Variants in IKZF3 observed in about 807,000 individuals in gnomAD.
IKZF3 encodes the protein zinc finger protein Aiolos.
A neutral mutation model predicts 49.0 loss-of-function variants in IKZF3; 10 were observed. The ratio of observed to expected loss-of-function variants is 0.20; its 90% CI spans 0.13 to 0.35. IKZF3 has a LOEUF of 0.35. IKZF3 is among the 10% of genes least tolerant of loss of function. The pLI is 1.00. For synonymous variants in IKZF3, 209 were observed against 228.2 expected (o/e 0.92, Z 0.76); for missense variants, 498 against 664.8 (o/e 0.75, Z 2.76).
chr17:39,842,974 A>G (rs1431452030), intron 1 of IKZF3, among the ~76,000 whole-genome samples: 2 of 152,222 alleles, frequency 1.3e-5, no homozygotes, highest in Non-Finnish European at 2.9e-5. Flanking sequence ...GCAAAACACA[A>G]ATCAAACCAT....
At chr17:39,796,851 A>G (rs1379855457) in intron 3 of IKZF3, among the ~76,000 whole-genome samples, 2 of 147,336 alleles carry the variant, frequency 1.4e-5, no homozygotes, top group Admixed American at 6.7e-5. Flanking sequence ...CGGCCTCAAC[A>G]TTCCTTTCTA....
At position 39,798,173 on chromosome 17, in the gene IKZF3, T is replaced by C. The variant is rs994465439; in HGVS notation, c.164-5240A>G. 2.0e-5 allele frequency among the ~76,000 whole-genome samples: 3 copies of C among 152,334 alleles called. No individual in the cohort carries two copies. In the South Asian group the frequency reaches 6.2e-4, roughly 32 times the overall value. On this transcript the variant is annotated intron_variant, in intron 3 of 7. Coordinates refer to ENST00000346872, the MANE Select transcript of IKZF3 (RefSeq NM_012481.5). ...GACTTTCCCACGATCTACTTATTGC[T>C]GTAGCCCCCGCACTGTTCTCTTTGG...
rs1432701600 is a variant in IKZF3 at position 39,763,413 on chromosome 17, C to G, written c.*2377G>C. The G allele has an allele frequency of 6.6e-6, 1 of 152,058 alleles. No homozygotes were observed. Among genetic ancestry groups the G allele is most frequent in the African/African-American group, 2.4e-5 (1 of 41,400 alleles). 9.4% of individuals were successfully genotyped at this position (152,058 alleles called of 1,614,324 possible). A position where few individuals can be genotyped will look rare whatever the true frequency, so the allele number is the denominator to read the frequency against. On this transcript the variant is annotated 3_prime_UTR_variant, in exon 8 of 8. Transcript: ENST00000346872. The stretch of plus-strand genomic sequence containing the variant: ...TCTGGTAGAAATGTTACAAATTAAG[C>G]TGACTCTTAATTTGTAAATAGGCTC...
intron 1 of IKZF3, among the ~76,000 whole-genome samples, chr17:39,842,906 G>A (rs934318481): frequency 6.6e-6 from 1 of 152,178 alleles, no homozygotes; most frequent in African/African-American, 2.4e-5. Context: ...CAAAAATTAT[G>A]TGCCTTCTGA....
intron 1 of IKZF3, among the ~76,000 whole-genome samples, chr17:39,859,378 A>ATT (rs200347729): frequency 2.8e-5 from 4 of 141,296 alleles, no homozygotes; most frequent in African/African-American, 1.0e-4. Flanking sequence ...CATCCTTATG[A>ATT]TTTTTTTTTT....
chr17:39,835,553 G>T, intron 1 of IKZF3: 1 of 434,494 alleles, frequency 2.3e-6, no homozygotes, highest in South Asian at 1.8e-5. Flanking sequence ...CCTCATACTT[G>T]ATCTGGTGCA....
chr17:39,826,347 A>G (rs2061955423), intron 3 of IKZF3, among the ~76,000 whole-genome samples: 1 of 152,184 alleles, frequency 6.6e-6, no homozygotes, highest in Non-Finnish European at 1.5e-5. Context: ...CTGGCTGTGG[A>G]TGGTAGTTTT....
At chr17:39,838,961 G>A (rs1250661238) in intron 1 of IKZF3, among the ~76,000 whole-genome samples, 2 of 151,860 alleles carry the variant, frequency 1.3e-5, no homozygotes, top group African/African-American at 2.4e-5. Context: ...AGTCTACTGA[G>A]TACCTAGGAC....
chr17:39,807,699 GA>G (rs1336548027), intron 3 of IKZF3, among the ~76,000 whole-genome samples: 1 of 151,596 alleles, frequency 6.6e-6, no homozygotes, highest in Non-Finnish European at 1.5e-5. Flanking sequence ...TAAGAAAAAA[GA>G]AATAAAAGAA....
intron 3 of IKZF3, among the ~76,000 whole-genome samples, chr17:39,799,127 T>TG (rs1029833184): frequency 2.0e-5 from 3 of 152,030 alleles, no homozygotes; most frequent in African/African-American, 7.3e-5. Context: ...TCTACTAATC[T>TG]GGGGGTGGAG....
intron 3 of IKZF3, among the ~76,000 whole-genome samples, chr17:39,801,022 G>A (rs1325440352): frequency 2.0e-5 from 3 of 152,112 alleles, no homozygotes; most frequent in Non-Finnish European, 2.9e-5. Flanking sequence ...AAGAGATTCT[G>A]AATTTCCACC....
intron 1 of IKZF3, among the ~76,000 whole-genome samples, chr17:39,840,035 C>A (rs1041966302): frequency 6.6e-6 from 1 of 152,186 alleles, no homozygotes; most frequent in Non-Finnish European, 1.5e-5. Context: ...CTGTTGTGGG[C>A]AGCAGCTGGG....
intron 3 of IKZF3, among the ~76,000 whole-genome samples, chr17:39,816,695 G>A (rs1350243058): frequency 1.3e-5 from 2 of 152,176 alleles, no homozygotes; most frequent in African/African-American, 4.8e-5. Context: ...GCGTATTTAT[G>A]TTCAAAGTTA....
intron 1 of IKZF3, among the ~76,000 whole-genome samples, chr17:39,833,671 T>G (rs1266002073): frequency 6.6e-6 from 1 of 152,220 alleles, no homozygotes; most frequent in African/African-American, 2.4e-5. Context: ...CTCCTATTGA[T>G]GGACACCTAG....
intron 1 of IKZF3, among the ~76,000 whole-genome samples, chr17:39,856,735 G>A (rs1412135518): frequency 6.6e-6 from 1 of 151,788 alleles, no homozygotes; most frequent in Non-Finnish European, 1.5e-5. Flanking sequence ...GAACCTGGGA[G>A]GCAGAGGTTG....
rs1485140875 is a variant in IKZF3, at chr17:39,764,661, G to T, written c.*1129C>A. The T allele has an allele frequency of 6.6e-6, 1 of 151,634 alleles. No homozygotes were observed. Among genetic ancestry groups the T allele is most frequent in the African/African-American group, 2.4e-5 (1 of 41,048 alleles). The allele number at this position is 151,634 out of a possible 1,614,324, so 9.4% of individuals were successfully genotyped here. A position where few individuals can be genotyped will look rare whatever the true frequency, so the allele number is the denominator to read the frequency against. ...GATCAGACTTTCAGGAATTTTCATG[G>T]AATACAGCAGTTCCATTTAAATGGG... On this transcript the variant is annotated 3_prime_UTR_variant, in exon 8 of 8. Transcript: ENST00000346872.
intron 3 of IKZF3, among the ~76,000 whole-genome samples, chr17:39,821,662 G>A (rs1009454725): frequency 6.6e-6 from 1 of 152,132 alleles, no homozygotes; most frequent in Non-Finnish European, 1.5e-5. Context: ...GCTGAACCAC[G>A]CTCAGATTCT....
At chr17:39,842,647 C>T (rs962011107) in intron 1 of IKZF3, among the ~76,000 whole-genome samples, 6 of 152,036 alleles carry the variant, frequency 3.9e-5, no homozygotes, top group Admixed American at 1.3e-4. Flanking sequence ...ATTCTGAGTA[C>T]ATTATTCATG....
chr17:39,842,717 G>T (rs1340097499), intron 1 of IKZF3, among the ~76,000 whole-genome samples: 1 of 152,220 alleles, frequency 6.6e-6, no homozygotes, highest in South Asian at 2.1e-4. Flanking sequence ...GTTAATAAAT[G>T]AATAAATTAA....
Sources: gnomAD v4.1 joint callset for allele counts (sites outside exome capture counted in the v4.1 genomes callset) on GRCh38, gnomAD v4.1.1 for gene constraint, MANE v1.5 for transcripts, NCBI Gene and HGNC (gene_info 2026-07-23, HGNC 2026-07-21) for gene names.